DOP1A: variants seen among roughly 807,000 people sequenced by gnomAD.
The protein encoded by DOP1A is protein DOP1A.
In DOP1A, 90 loss-of-function variants were observed where a neutral mutation model predicts 267.6. The observed-to-expected ratio is 0.34, with a 90% CI of 0.28 to 0.40. DOP1A has a LOEUF of 0.40. Among genes scored for constraint, DOP1A ranks in the 10% least tolerant of loss-of-function variants. DOP1A has a pLI of 1.00. For synonymous variants in DOP1A, 932 were observed against 999.1 expected (o/e 0.93, Z 1.27); for missense variants, 2,437 against 2,900.4 (o/e 0.84, Z 3.67).
intron 36 of DOP1A, 70 bp downstream of exon 36, chr6:83,158,692 C>A: frequency 9.7e-7 from 1 of 1,026,760 alleles, no homozygotes; most frequent in Non-Finnish European, 1.5e-6. Flanking sequence ...TATTACTCAG[C>A]ATCTAGGAGA....
intron 37 of DOP1A, 83 bp downstream of exon 37, chr6:83,160,043 T>A (rs1424942728): frequency 3.7e-6 from 5 of 1,359,934 alleles, no homozygotes; most frequent in East Asian, 2.3e-5. Flanking sequence ...AATTAAAAAG[T>A]TTTTTGTGTA....
rs774238402 is a variant in DOP1A at position 83,138,162 on chromosome 6, C to T, written c.4120C>T (p.Gln1374Ter). The T allele has an allele frequency of 5.0e-6, 8 of 1,613,790 alleles. No individual in the cohort carries two copies. ...CTATCAACATGTGCTCCTGTATCTC[C>T]AGTTGTATGATTCATCCAGGACTTT... ...PLYQHVLLYL[Q>*]LYDSSRTLYA... The change falls in exon 21 of 39, where the codon CAG (glutamine) becomes TAG (stop). Residue 1374 changes from glutamine to a stop codon, truncating the protein, a stop_gained. Transcript: ENST00000349129. LOFTEE classifies it high-confidence loss of function.
chr6:83,093,913 C>G (rs1770964860), intron 1 of DOP1A, among the ~76,000 whole-genome samples: 1 of 152,108 alleles, frequency 6.6e-6, no homozygotes, highest in South Asian at 2.1e-4. Context: ...GACTCCGTCT[C>G]AAAAACAAAC....
chr6:83,139,103 C>G lies in DOP1A; in HGVS notation c.5061C>G (p.Cys1687Trp). The change falls in exon 21 of 39, where the codon TGC (cysteine) becomes TGG (tryptophan). Residue 1687 changes from cysteine to tryptophan, a missense_variant. By Grantham distance (215) the Cys-to-Trp change is radical. This residue lies in a region of DOP1A where 307 missense variants were observed against 308.6 expected (regional missense o/e 0.99). Coordinates refer to ENST00000349129, the MANE Select transcript of DOP1A (RefSeq NM_015018.4). ...TTGTTTCTGTGACACTACAACTGTG[C>G]AGAAATTTAGATAATCTAATTCAGC... is the stretch of plus-strand genomic sequence containing the variant. Reference protein sequence around the residue: ...RVVVSVTLQLCRNLDNLIQQY... With the variant: ...RVVVSVTLQLWRNLDNLIQQY... 6.2e-7 allele frequency: 1 copy of G among 1,613,828 alleles called. No homozygotes were observed. Among genetic ancestry groups the G allele is most frequent in the Non-Finnish European group, 8.5e-7 (1 of 1,179,800 alleles).
At chr6:83,143,194 G>T (rs1361318465) in intron 24 of DOP1A, among the ~76,000 whole-genome samples, 1 of 152,158 alleles carries the variant, frequency 6.6e-6, no homozygotes, top group African/African-American at 2.4e-5. Flanking sequence ...AAGGCGGGAG[G>T]ATTGCTTGAG....
chr6:83,068,976 A>T (rs1785163747), intron 1 of DOP1A, among the ~76,000 whole-genome samples: 1 of 152,230 alleles, frequency 6.6e-6, no homozygotes, highest in Non-Finnish European at 1.5e-5. Context: ...ACCTGATTTA[A>T]TACACAAACC....
At chr6:83,073,593 A>G (rs1290417091) in intron 1 of DOP1A, among the ~76,000 whole-genome samples, 1 of 152,226 alleles carries the variant, frequency 6.6e-6, no homozygotes, top group African/African-American at 2.4e-5. Context: ...TTATTTGGGA[A>G]TAAACTGTTG....
intron 37 of DOP1A, among the ~76,000 whole-genome samples, chr6:83,161,658 C>T (rs1032606240): frequency 1.3e-5 from 2 of 152,166 alleles, no homozygotes; most frequent in African/African-American, 2.4e-5. Context: ...TATAGATAAC[C>T]ATCAGAATGG....
At position 83,108,280 on chromosome 6, in the gene DOP1A, A is replaced by G. The variant is rs1334729558; in HGVS notation, c.321-630A>G. 3.9e-5 allele frequency among the ~76,000 whole-genome samples: 6 copies of G among 152,266 alleles called. No individual in the cohort carries two copies. The East Asian group carries it at 1.2e-3, about 29-fold the overall frequency. ...TTGCAGCCTCTACCTCCCAGGTTCA[A>G]GCAGTCCTCTACTCTCAGCCTCCCA... On this transcript the variant is annotated intron_variant, in intron 4 of 38. Transcript: ENST00000349129.
Position 83,148,756 on chromosome 6 carries a change from C to A in DOP1A, c.5733-3C>A. The A allele has an allele frequency of 2.6e-6, 4 of 1,538,678 alleles. No individual in the cohort carries two copies. Among genetic ancestry groups the A allele is most frequent in the Non-Finnish European group, 3.5e-6 (4 of 1,150,140 alleles). ...CTTTTGTATAAACTATATTATCTTG[C>A]AGAATTCCAGTGCCCAATTTAGTGG... On this transcript the variant is annotated splice_polypyrimidine_tract_variant and splice_region_variant and intron_variant, in intron 26 of 38. Transcript: ENST00000349129.
chr6:83,078,556 A>C (rs2128008415), intron 1 of DOP1A, among the ~76,000 whole-genome samples: 1 of 152,320 alleles, frequency 6.6e-6, no homozygotes, highest in Middle Eastern at 3.4e-3. Context: ...CACAAGTACA[A>C]ACTTGTGTAA....
At chr6:83,152,258 G>T in intron 29 of DOP1A, 30 bp from the exon 30 acceptor site, 2 of 1,326,444 alleles carry the variant, frequency 1.5e-6, no homozygotes, top group Non-Finnish European at 2.1e-6. Flanking sequence ...GTGGGAATTA[G>T]CCATATCTTT....
intron 1 of DOP1A, among the ~76,000 whole-genome samples, chr6:83,092,556 T>TCCC (rs66482434): frequency 4.0e-4 from 27 of 67,870 alleles, no homozygotes; most frequent in African/African-American, 5.1e-4. Flanking sequence ...GTAGTGTCCC[T>TCCC]CCCCCCCCCC....
chr6:83,096,817 G>A lies in DOP1A; in HGVS notation c.-60G>A. 1 of 759,598 alleles carries A rather than the reference G, an allele frequency of 1.3e-6. No individual in the cohort carries two copies. Among genetic ancestry groups the A allele is most frequent in the African/African-American group, 1.7e-5 (1 of 57,216 alleles). 47.1% of individuals were successfully genotyped at this position (759,598 alleles called of 1,614,324 possible). On this transcript the variant is annotated 5_prime_UTR_variant, in exon 2 of 39. Transcript: ENST00000349129. ...CTAGCTGAGGAGAGTTTCAACCACT[G>A]CTAACAGTAAGGAACATTTTCAAGT... is the stretch of plus-strand genomic sequence containing the variant.
rs765716689 is a variant in DOP1A, at chr6:83,156,021, A to G, written c.6522A>G (p.Arg2174=). The G allele has an allele frequency of 3.9e-5, 63 of 1,614,122 alleles. No individual in the cohort carries two copies. Among genetic ancestry groups the G allele is most frequent in the Non-Finnish European group, 4.3e-5 (51 of 1,179,980 alleles). ...ACCGTGATGTGGAGCTAGAACAGAGAGCTATGCTTCTTAAAAGATTAGCAT... is the reference window on the plus strand; with the variant it reads ...ACCGTGATGTGGAGCTAGAACAGAGGGCTATGCTTCTTAAAAGATTAGCAT... ...FANRDVELEQ[R]AMLLKRLAFA... Residue 2174 remains arginine (R), a synonymous_variant, in exon 34 of 39, where the codon AGA becomes AGG. Transcript: ENST00000349129.
intron 25 of DOP1A, among the ~76,000 whole-genome samples, chr6:83,146,359 T>A (rs1388272147): frequency 6.6e-6 from 1 of 152,198 alleles, no homozygotes. Context: ...ATGATATATA[T>A]CTGAAAATGT....
intron 4 of DOP1A, among the ~76,000 whole-genome samples, chr6:83,108,474 A>G (rs565631161): frequency 3.9e-5 from 6 of 152,166 alleles, no homozygotes; most frequent in Non-Finnish European, 8.8e-5. Context: ...CAACTTACCC[A>G]GCCATGTTAG....
At chr6:83,073,181 C>T (rs117620919) in intron 1 of DOP1A, 3,941 of 168,256 alleles carry the variant, frequency 0.023, 89 homozygotes, top group Middle Eastern at 0.077. Flanking sequence ...CTCCTGGGTT[C>T]GAGCGATTCT....
In DOP1A at chr6:83,110,167, G is replaced by A. The variant is rs138600713; in HGVS notation, c.534G>A (p.Gln178=). The change falls in exon 6 of 39, where the codon CAG becomes CAA. Residue 178 remains glutamine, a synonymous_variant. Transcript: ENST00000349129. ...AAAAGGTTGCTGCTGCTGTGGACCA[G>A]TCAGCATTCTACAGTGCCCTGTGGG... The part of the protein sequence containing the change: ...LLEKVAAAVD[Q]SAFYSALWGS... 3 of 1,612,328 alleles carry A rather than the reference G, an allele frequency of 1.9e-6. No homozygotes were observed. The highest frequency in any genetic ancestry group is 2.2e-5 in the East Asian group (1 of 44,818).
Sources: allele counts gnomAD v4.1 joint callset (sites outside exome capture counted in the v4.1 genomes callset), GRCh38; gene constraint gnomAD v4.1.1; regional missense constraint gnomAD v4.1.1; transcripts MANE v1.5; gene names NCBI Gene and HGNC (gene_info 2026-07-23, HGNC 2026-07-21).